ITGA8: variants seen among roughly 807,000 people sequenced by gnomAD.
ITGA8 encodes integrin subunit alpha 8.
A neutral mutation model predicts 142.3 loss-of-function variants in ITGA8; 91 were observed. That is an observed-to-expected ratio of 0.64 (90% CI 0.54 to 0.76). The LOEUF (loss-of-function observed/expected upper bound fraction) is 0.76, where lower values mean the gene tolerates loss of function less well. ITGA8 is among the 30% of genes least tolerant of loss of function. ITGA8 has a pLI of 0.00. For missense variants in ITGA8, 1,406 were observed against 1,327.7 expected, an observed-to-expected ratio of 1.06 and a Z score of -0.92; for synonymous variants, 505 against 485.2, an observed-to-expected ratio of 1.04 and a Z score of -0.54.
chr10:15,644,178 G>C lies in ITGA8; in HGVS notation c.1251C>G (p.Gly417=), dbSNP rs1833923259. 2 of 1,613,854 alleles carry C rather than the reference G, an allele frequency of 1.2e-6. No individual in the cohort carries two copies. The highest frequency in any genetic ancestry group is 1.3e-5 in the African/African-American group (1 of 74,896). Residue 417 remains glycine (G), a synonymous_variant, in exon 13 of 30, where the codon GGC becomes GGG. Transcript: ENST00000378076. ...GVPFAGKDQR[G]KVLIYNGNKD... ...TGTTCCCATTATAAATGAGCACTTTGCCTCTTTGATCCTTGCCTGCAAAAG... is the reference window on the plus strand; with the variant it reads ...TGTTCCCATTATAAATGAGCACTTTCCCTCTTTGATCCTTGCCTGCAAAAG...
chr10:15,565,929 C>T (rs148336728), intron 25 of ITGA8, among the ~76,000 whole-genome samples: 2 of 151,828 alleles, frequency 1.3e-5, no homozygotes, highest in African/African-American at 4.8e-5. Flanking sequence ...TGTGTGCGCA[C>T]GCGTGAGTGA....
intron 8 of ITGA8, among the ~76,000 whole-genome samples, chr10:15,664,660 T>TC (rs1051246869): frequency 1.8e-5 from 2 of 108,748 alleles, no homozygotes; most frequent in Non-Finnish European, 3.7e-5. Flanking sequence ...ATGCTATCCC[T>TC]CCCCCCTCCC....
chr10:15,572,339 C>G lies in ITGA8; in HGVS notation c.2509G>C (p.Asp837His), dbSNP rs1834201377. ...LHNIGPSTIS[D>H]TILEVGWPFS... ...GGCCAGCCCACCTCCAGGATGGTGT[C>G]ACTGATGGTACTTGGTCCAATATTG... The change falls in exon 25 of 30, where the codon GAC (aspartate) becomes CAC (histidine). Residue 837 changes from aspartate (D) to histidine (H), a missense_variant. Physicochemically the swap from Asp to His is moderately conservative, Grantham distance 81 (BLOSUM62 -1). Coordinates refer to ENST00000378076, the MANE Select transcript of ITGA8 (RefSeq NM_003638.3). 6.2e-7 allele frequency: 1 copy of G among 1,613,690 alleles called. No individual in the cohort carries two copies. Among genetic ancestry groups the G allele is most frequent in the Admixed American group, 1.7e-5 (1 of 59,970 alleles).
In ITGA8 at chr10:15,516,699, G is replaced by T. The variant is rs1478460363; in HGVS notation, c.*459C>A. On this transcript the variant is annotated 3_prime_UTR_variant, in exon 30 of 30. Coordinates refer to ENST00000378076, the MANE Select transcript of ITGA8 (RefSeq NM_003638.3). ...AAATGTTTCTTTTCCATAGGGAGGT[G>T]TCAAATGTTCCATTGGATACAGTAG... The T allele has an allele frequency of 6.6e-6, 1 of 152,504 alleles. No individual in the cohort carries two copies. The highest frequency in any genetic ancestry group is 2.4e-5 in the African/African-American group (1 of 41,458). The allele number at this position is 152,504 out of a possible 1,614,324, so 9.4% of individuals were successfully genotyped here.
chr10:15,707,049 A>G (rs1835273398), intron 2 of ITGA8, among the ~76,000 whole-genome samples: 2 of 152,008 alleles, frequency 1.3e-5, no homozygotes, highest in Admixed American at 1.3e-4. Flanking sequence ...TCCTCACTCA[A>G]ATTAGGTCCT....
At chr10:15,529,057 TTTC>T (rs1009859478) in intron 28 of ITGA8, among the ~76,000 whole-genome samples, 3 of 139,420 alleles carry the variant, frequency 2.2e-5, no homozygotes, top group African/African-American at 8.9e-5. Context: ...CCTTCCTTCC[TTTC>T]TTCCTTTCTT....
At chr10:15,526,916 C>G (rs1428781780) in intron 28 of ITGA8, among the ~76,000 whole-genome samples, 2 of 151,982 alleles carry the variant, frequency 1.3e-5, no homozygotes, top group Non-Finnish European at 1.5e-5. Context: ...TTTAATATGC[C>G]TACATTTTAT....
chr10:15,624,017 AT>A (rs1248634371), intron 13 of ITGA8, among the ~76,000 whole-genome samples: 1 of 152,044 alleles, frequency 6.6e-6, no homozygotes, highest in African/African-American at 2.4e-5. Context: ...CCAGGAGTTC[AT>A]TTTTTTACTG....
chr10:15,688,631 T>C (rs774941360), intron 2 of ITGA8, among the ~76,000 whole-genome samples: 6 of 152,220 alleles, frequency 3.9e-5, no homozygotes, highest in Non-Finnish European at 5.9e-5. Flanking sequence ...TCCAACAGCA[T>C]GTTAAAAGTA....
At chr10:15,633,635 G>T (rs1213201609) in intron 13 of ITGA8, among the ~76,000 whole-genome samples, 1 of 152,064 alleles carries the variant, frequency 6.6e-6, no homozygotes, top group East Asian at 1.9e-4. Flanking sequence ...GGCCAGAGGG[G>T]TCTTGAGCTC....
intron 27 of ITGA8, among the ~76,000 whole-genome samples, chr10:15,539,825 C>T (rs1833532170): frequency 6.6e-6 from 1 of 152,064 alleles, no homozygotes; most frequent in Admixed American, 6.6e-5. Flanking sequence ...GGCTGTGTCC[C>T]CACCCAAATC....
At chr10:15,582,578 CGAT>C (rs1834428890) in intron 23 of ITGA8, among the ~76,000 whole-genome samples, 1 of 151,984 alleles carries the variant, frequency 6.6e-6, no homozygotes, top group Middle Eastern at 3.2e-3. Flanking sequence ...TTCTACAACT[CGAT>C]AATAAGGAGA....
At chr10:15,681,675 C>A (rs2131700357) in intron 4 of ITGA8, among the ~76,000 whole-genome samples, 1 of 152,264 alleles carries the variant, frequency 6.6e-6, no homozygotes, top group East Asian at 1.9e-4. Flanking sequence ...TATCATCCTT[C>A]AAGGCAGTTG....
intron 3 of ITGA8, among the ~76,000 whole-genome samples, 182 bp downstream of exon 3, chr10:15,687,756 T>G (rs1477180092): frequency 6.6e-6 from 1 of 152,238 alleles, no homozygotes; most frequent in Non-Finnish European, 1.5e-5. Context: ...TTCCTATAGC[T>G]TTAAACACTA....
At chr10:15,660,363 C>A (rs9333118) in intron 9 of ITGA8, among the ~76,000 whole-genome samples, 10,642 of 152,262 alleles carry the variant, frequency 0.07, 478 homozygotes, top group Non-Finnish European at 0.094. Flanking sequence ...GCTGCTCCTG[C>A]ACATGGATCA....
At chr10:15,647,966 T>C (rs1834017820) in intron 11 of ITGA8, among the ~76,000 whole-genome samples, 1 of 152,126 alleles carries the variant, frequency 6.6e-6, no homozygotes, top group Admixed American at 6.5e-5. Flanking sequence ...ATTTTTAAGG[T>C]TAAAAAATTT....
intron 3 of ITGA8, 128 bp from the exon 4 acceptor site, chr10:15,684,255 T>C: frequency 3.4e-6 from 3 of 886,784 alleles, no homozygotes; most frequent in Non-Finnish European, 1.7e-6. Flanking sequence ...AGCATGCTAA[T>C]GAGTGCCTTG....
chr10:15,636,073 C>T lies in ITGA8; in HGVS notation c.1399+7957G>A, dbSNP rs375865312. Among the ~76,000 whole-genome samples the T allele has an allele frequency of 1.1e-4, 16 of 152,254 alleles. No individual in the cohort carries two copies. The East Asian group carries it at 2.9e-3, about 28-fold the overall frequency. On this transcript the variant is annotated intron_variant, in intron 13 of 29. Coordinates refer to ENST00000378076, the MANE Select transcript of ITGA8 (RefSeq NM_003638.3). ...CGGATGAGACAATGATAGTCTTGGCCTTCTGCCCATGTTTTCCTCCAGTTT... is the reference window on the plus strand; with the variant it reads ...CGGATGAGACAATGATAGTCTTGGCTTTCTGCCCATGTTTTCCTCCAGTTT...
intron 3 of ITGA8, among the ~76,000 whole-genome samples, chr10:15,687,650 A>G (rs1449036729): frequency 6.6e-6 from 1 of 152,162 alleles, no homozygotes; most frequent in Admixed American, 6.5e-5. Context: ...TAAGCACTAT[A>G]ATATTTTACC....
Sources: allele counts gnomAD v4.1 joint callset (sites outside exome capture counted in the v4.1 genomes callset), GRCh38; gene constraint gnomAD v4.1.1; transcripts MANE v1.5; gene names NCBI Gene and HGNC (gene_info 2026-07-23, HGNC 2026-07-21).